Variants in XRRA1 observed in about 807,000 individuals in gnomAD.
The protein encoded by XRRA1 is X-ray radiation resistance-associated protein 1.
A neutral mutation model predicts 80.2 loss-of-function variants in XRRA1; 69 were observed. The ratio of observed to expected loss-of-function variants is 0.86; its 90% CI spans 0.71 to 1.05. The LOEUF is 1.05. Ranked by LOEUF, XRRA1 falls within the 50% of genes least tolerant of loss-of-function variation. XRRA1 has a pLI of 0.00. For missense variants in XRRA1, 967 were observed against 976.4 expected (o/e 0.99, Z 0.13); for synonymous variants, 348 against 389.9 (o/e 0.89, Z 1.27).
At position 74,948,311 on chromosome 11, in the gene XRRA1, G is replaced by C. The variant is rs149047435; in HGVS notation, c.-73+617C>G. ...CTGTATCCGTTAGTACAATATTGGT[G>C]CTCAATATACATTTGTGAAAAAAAT... On this transcript the variant is annotated intron_variant, in intron 1 of 18. Transcript: ENST00000684022. 1.8e-4 allele frequency among the ~76,000 whole-genome samples: 27 copies of C among 150,086 alleles called. No individual in the cohort carries two copies. In the East Asian group the frequency reaches 4.9e-3, roughly 27 times the overall value.
At chr11:74,937,946 T>C (rs374589027) in intron 3 of XRRA1, among the ~76,000 whole-genome samples, 1 of 152,312 alleles carries the variant, frequency 6.6e-6, no homozygotes, top group South Asian at 2.1e-4. Context: ...ATGAACCCTG[T>C]CTTATAGCCC....
In XRRA1 at chr11:74,936,977, C is replaced by A; in HGVS notation, c.186G>T (p.Leu62=). Residue 62 remains leucine (L), a synonymous_variant, in exon 4 of 19, where the codon CTG becomes CTT. Transcript: ENST00000684022. The stretch of plus-strand genomic sequence containing the variant: ...CCTTGAACTCAAAAGAAGTCGCCTT[C>A]AGGCTTTCCCGACGTTCAGCTTGTG... The part of the protein sequence containing the change: ...VGAQAERRES[L]KATSFEFKGK... 1 of 1,613,882 alleles carries A rather than the reference C, an allele frequency of 6.2e-7. No individual in the cohort carries two copies. The highest frequency in any genetic ancestry group is 1.3e-5 in the African/African-American group (1 of 75,046).
chr11:74,871,577 TA>T (rs1278305057), intron 10 of XRRA1, among the ~76,000 whole-genome samples: 2 of 152,062 alleles, frequency 1.3e-5, no homozygotes, highest in Non-Finnish European at 2.9e-5. Flanking sequence ...TCCCCAAAAC[TA>T]AAAAAGCAAC....
At chr11:74,905,813 C>T (rs1338302627) in intron 10 of XRRA1, among the ~76,000 whole-genome samples, 1 of 152,094 alleles carries the variant, frequency 6.6e-6, no homozygotes, top group Non-Finnish European at 1.5e-5. Flanking sequence ...CAAGCAGCAC[C>T]GCTTCCCCAG....
At chr11:74,943,524 G>GGTGAGTGTGTGTGTGT (rs1946796191) in intron 2 of XRRA1, among the ~76,000 whole-genome samples, 1 of 137,762 alleles carries the variant, frequency 7.3e-6, no homozygotes, top group Admixed American at 7.8e-5. Context: ...AGAGTAGGAG[G>GGTGAGTGTGTGTGTGT]GTGTGTGTGT....
At chr11:74,908,208 G>C (rs949399685) in intron 8 of XRRA1, among the ~76,000 whole-genome samples, 2 of 152,192 alleles carry the variant, frequency 1.3e-5, no homozygotes, top group African/African-American at 4.8e-5. Flanking sequence ...GATATGTTTT[G>C]TATGTGTTAT....
Position 74,862,964 on chromosome 11 carries a change from A to G in XRRA1, c.1044+17T>C. Reference sequence around the variant, plus strand: ...GTTCTAACTCAGGAACACAAATATAAAGTAGTCAGTTCCTACCTCTGAGGT... The same window carrying G: ...GTTCTAACTCAGGAACACAAATATAGAGTAGTCAGTTCCTACCTCTGAGGT... On this transcript the variant is annotated intron_variant, in intron 11 of 18. Transcript: ENST00000684022. 1 of 1,578,800 alleles carries G rather than the reference A, an allele frequency of 6.3e-7. No homozygotes were observed. Among genetic ancestry groups the G allele is most frequent in the Non-Finnish European group, 8.6e-7 (1 of 1,158,786 alleles).
At chr11:74,851,890 A>T in intron 13 of XRRA1, 99 bp downstream of exon 13, 1 of 1,016,120 alleles carries the variant, frequency 9.8e-7, no homozygotes. Context: ...CCCGACACAG[A>T]GTAGATCCCA....
chr11:74,899,167 A>G (rs1241775791), intron 10 of XRRA1, among the ~76,000 whole-genome samples: 1 of 152,186 alleles, frequency 6.6e-6, no homozygotes, highest in African/African-American at 2.4e-5. Context: ...TGACCCATGG[A>G]TCAATGAAGA....
At chr11:74,909,758 G>C (rs2055442249) in intron 8 of XRRA1, 1 of 152,128 alleles carries the variant, frequency 6.6e-6, no homozygotes, top group Non-Finnish European at 1.5e-5. Context: ...GTTCAGAGTG[G>C]TGCTATTTTT....
At chr11:74,866,849 G>A (rs1395779388) in intron 10 of XRRA1, among the ~76,000 whole-genome samples, 2 of 151,936 alleles carry the variant, frequency 1.3e-5, no homozygotes, top group Non-Finnish European at 2.9e-5. Context: ...AGGATCTATG[G>A]GACAACATCA....
rs145796291 is a variant in XRRA1 at position 74,933,795 on chromosome 11, C to A, written c.351+6G>T. The A allele has an allele frequency of 4.4e-6, 7 of 1,583,916 alleles. No homozygotes were observed. In the African/African-American group the frequency reaches 6.7e-5, roughly 15 times the overall value. ...CCCCAATCACATCTTTGCTGGCTGA[C>A]CTCACCTTGGAGAACTTCAGGCCAC... On this transcript the variant is annotated splice_donor_region_variant and intron_variant, in intron 5 of 18. Transcript: ENST00000684022.
At chr11:74,859,079 T>G in intron 12 of XRRA1, 79 bp downstream of exon 12, 1 of 1,460,078 alleles carries the variant, frequency 6.8e-7, no homozygotes, top group Non-Finnish European at 9.0e-7. Context: ...AATGGAGGGT[T>G]GGTTTTTAGG....
chr11:74,946,828 T>C (rs1947649651), intron 1 of XRRA1, among the ~76,000 whole-genome samples: 2 of 151,914 alleles, frequency 1.3e-5, no homozygotes, highest in African/African-American at 4.8e-5. Flanking sequence ...CTCAGCTCAC[T>C]GCAAGCTCCG....
At chr11:74,887,438 G>T (rs911211482) in intron 10 of XRRA1, among the ~76,000 whole-genome samples, 7 of 151,306 alleles carry the variant, frequency 4.6e-5, no homozygotes, top group African/African-American at 1.7e-4. Flanking sequence ...AAGACATAGT[G>T]GGGTGGAGCC....
At chr11:74,895,502 G>A (rs552870525) in intron 10 of XRRA1, among the ~76,000 whole-genome samples, 1 of 152,192 alleles carries the variant, frequency 6.6e-6, no homozygotes, top group Non-Finnish European at 1.5e-5. Context: ...TAGGACACAA[G>A]AGCTGTAATT....
intron 11 of XRRA1, among the ~76,000 whole-genome samples, chr11:74,862,081 C>A (rs535853191): frequency 1.3e-5 from 2 of 152,244 alleles, no homozygotes; most frequent in Admixed American, 1.3e-4. Flanking sequence ...CTTTTTAATT[C>A]GCCCTTGCTC....
chr11:74,851,631 T>G (rs2039881429), intron 13 of XRRA1, among the ~76,000 whole-genome samples: 1 of 152,174 alleles, frequency 6.6e-6, no homozygotes, highest in Non-Finnish European at 1.5e-5. Flanking sequence ...AATGAGGTCA[T>G]GACAGAACTG....
chr11:74,863,061 G>A (rs774883312), intron 10 of XRRA1, 40 bp from the exon 11 acceptor site: 59 of 1,567,172 alleles, frequency 3.8e-5, no homozygotes, highest in South Asian at 8.1e-5. Flanking sequence ...TGGTGAGACC[G>A]CTGATTGATG....
Sources: allele counts gnomAD v4.1 joint callset (sites outside exome capture counted in the v4.1 genomes callset), GRCh38; gene constraint gnomAD v4.1.1; transcripts MANE v1.5; gene names NCBI Gene and HGNC (gene_info 2026-07-23, HGNC 2026-07-21).